BBS9: variants seen among roughly 807,000 people sequenced by gnomAD.
BBS9 encodes Bardet-Biedl syndrome 9.
BBS9 carries 89 observed loss-of-function variants against 117.7 expected under a neutral mutation model. That is an observed-to-expected ratio of 0.76 (90% CI 0.64 to 0.90). BBS9 has a LOEUF of 0.90. BBS9 is among the 40% of genes least tolerant of loss of function. The pLI, the probability that BBS9 is intolerant of heterozygous loss-of-function variation, is 0.00. For synonymous variants in BBS9, 379 were observed against 370.9 expected, an observed-to-expected ratio of 1.02 and a Z score of -0.25; for missense variants, 982 against 1,042.2, an observed-to-expected ratio of 0.94 and a Z score of 0.80.
chr7:33,292,539 A>G lies in BBS9; in HGVS notation c.1016+18583A>G, dbSNP rs193108450. On this transcript the variant is annotated intron_variant, in intron 9 of 22. Transcript: ENST00000242067. ...ACCGCACACCATCTATTTGTGGAAC[A>G]TTTATTTCTTTGTTTAGGTCAAACT... 3.3e-5 allele frequency among the ~76,000 whole-genome samples: 5 copies of G among 152,242 alleles called. No homozygotes were observed. In the East Asian group the frequency reaches 9.7e-4, roughly 29 times the overall value.
At chr7:33,532,597 A>T (rs1850760992) in intron 20 of BBS9, among the ~76,000 whole-genome samples, 1 of 152,102 alleles carries the variant, frequency 6.6e-6, no homozygotes, top group Non-Finnish European at 1.5e-5. Flanking sequence ...GAACAGCATG[A>T]GGGTAGCCAC....
intron 19 of BBS9, among the ~76,000 whole-genome samples, chr7:33,391,357 C>T (rs554802469): frequency 6.6e-6 from 1 of 151,944 alleles, no homozygotes; most frequent in South Asian, 2.1e-4. Context: ...CGTTTTTTTT[C>T]CTCCTGTGAT....
chr7:33,594,972 G>C (rs138214991), intron 21 of BBS9, among the ~76,000 whole-genome samples: 2 of 152,168 alleles, frequency 1.3e-5, no homozygotes, highest in Non-Finnish European at 2.9e-5. Context: ...AATGGTGCTG[G>C]GAAAACTGGC....
At chr7:33,527,491 G>T (rs1563308197) in intron 20 of BBS9, among the ~76,000 whole-genome samples, 1 of 152,186 alleles carries the variant, frequency 6.6e-6, no homozygotes, top group Non-Finnish European at 1.5e-5. Flanking sequence ...GCAATATTCG[G>T]GTGGGAGTGA....
intron 11 of BBS9, among the ~76,000 whole-genome samples, chr7:33,343,895 C>T (rs1181516343): frequency 6.6e-6 from 1 of 152,024 alleles, no homozygotes; most frequent in Non-Finnish European, 1.5e-5. Flanking sequence ...ATACCTTACA[C>T]AGGGTGAAAA....
intron 19 of BBS9, among the ~76,000 whole-genome samples, chr7:33,405,168 A>G (rs570204074): frequency 1.3e-5 from 2 of 152,164 alleles, no homozygotes; most frequent in Non-Finnish European, 2.9e-5. Context: ...CGTATATTGA[A>G]CCAGCCTTGC....
chr7:33,246,179 T>G (rs188792463), intron 5 of BBS9, among the ~76,000 whole-genome samples: 61 of 152,304 alleles, frequency 4.0e-4, no homozygotes, highest in African/African-American at 1.4e-3. Context: ...GTGATAGGAA[T>G]GGACAGTTCA....
At chr7:33,480,925 GC>G (rs1842443205) in intron 19 of BBS9, among the ~76,000 whole-genome samples, 1 of 151,812 alleles carries the variant, frequency 6.6e-6, no homozygotes, top group African/African-American at 2.4e-5. Context: ...CCCACCCCCA[GC>G]CCCCCACAGC....
chr7:33,275,978 C>T (rs1800696312), intron 9 of BBS9, among the ~76,000 whole-genome samples: 1 of 152,086 alleles, frequency 6.6e-6, no homozygotes, highest in East Asian at 1.9e-4. Context: ...GTGAGTGAAC[C>T]TTCCTATTTC....
intron 5 of BBS9, among the ~76,000 whole-genome samples, chr7:33,241,729 A>G (rs1429982050): frequency 1.3e-5 from 2 of 151,932 alleles, no homozygotes; most frequent in Non-Finnish European, 2.9e-5. Context: ...AGTTTTGTTA[A>G]CTTTGTTCAC....
At chr7:33,582,523 TAC>T (rs141224049) in intron 21 of BBS9, among the ~76,000 whole-genome samples, 2,769 of 146,304 alleles carry the variant, frequency 0.019, 67 homozygotes, top group African/African-American at 0.059. Flanking sequence ...GTTTCTACAA[TAC>T]ACACACACAC....
intron 21 of BBS9, among the ~76,000 whole-genome samples, chr7:33,627,932 T>G: frequency 6.6e-6 from 1 of 152,062 alleles, no homozygotes; most frequent in Non-Finnish European, 1.5e-5. Context: ...TGATCCCAGC[T>G]ACTTGGCAAA....
chr7:33,519,908 TA>T (rs1456980033), intron 20 of BBS9, among the ~76,000 whole-genome samples: 1 of 152,140 alleles, frequency 6.6e-6, no homozygotes, highest in Non-Finnish European at 1.5e-5. Flanking sequence ...ACCTTACATC[TA>T]AATCCTCAGT....
At chr7:33,566,735 AT>A (rs1447613395) in intron 21 of BBS9, among the ~76,000 whole-genome samples, 1 of 149,812 alleles carries the variant, frequency 6.7e-6, no homozygotes. Context: ...GCCAAAAGTT[AT>A]AAAACACATA....
chr7:33,149,382 A>G (rs1469785010), intron 2 of BBS9, among the ~76,000 whole-genome samples: 3 of 152,230 alleles, frequency 2.0e-5, no homozygotes. Context: ...AGGTGATCAG[A>G]CAGTGAGAGA....
At chr7:33,457,294 A>C (rs1838790599) in intron 19 of BBS9, among the ~76,000 whole-genome samples, 1 of 152,216 alleles carries the variant, frequency 6.6e-6, no homozygotes, top group South Asian at 2.1e-4. Context: ...GAACAACGTC[A>C]AGAATGAAAT....
chr7:33,178,282 G>A (rs1325174668), intron 5 of BBS9, among the ~76,000 whole-genome samples: 2 of 152,194 alleles, frequency 1.3e-5, no homozygotes, highest in African/African-American at 2.4e-5. Flanking sequence ...TGCTTTTTCT[G>A]TGTTTCACAA....
rs769540675 is a variant in BBS9, at chr7:33,357,755, AAACCAAGATAT to A, written c.1553-98_1553-88del. 5.4e-6 allele frequency: 7 copies of A among 1,299,090 alleles called. No individual in the cohort carries two copies. In the East Asian group the frequency reaches 1.6e-4, roughly 30 times the overall value. 80.5% of individuals were successfully genotyped at this position (1,299,090 alleles called of 1,614,324 possible). ...TAAGCAAAATAGGCAGGCAACAAGC[AAACCAAGATAT>A]ATTGCTGCTCAAACTATTAGTAGTA... On this transcript the variant is annotated intron_variant, in intron 15 of 22. Transcript: ENST00000242067.
chr7:33,409,309 G>A lies in BBS9; in HGVS notation c.2115+21165G>A, dbSNP rs1057304759. Among the ~76,000 whole-genome samples, 3 of 152,232 alleles carry A rather than the reference G, an allele frequency of 2.0e-5. No homozygotes were observed. The East Asian group carries it at 5.8e-4, about 29-fold the overall frequency. ...TTGAGATCTTACATTTTAAGTCTTT[G>A]ATCCATCTTGAGTTAATTTTATTAC... On this transcript the variant is annotated intron_variant, in intron 19 of 22. Coordinates refer to ENST00000242067, the MANE Select transcript of BBS9 (RefSeq NM_198428.3).
Sources: gnomAD v4.1 joint callset for allele counts (sites outside exome capture counted in the v4.1 genomes callset) on GRCh38, gnomAD v4.1.1 for gene constraint, MANE v1.5 for transcripts, NCBI Gene and HGNC (gene_info 2026-07-23, HGNC 2026-07-21) for gene names.